The following SLC24A3 variants were observed in gnomAD, a reference collection of about 807,000 sequenced individuals.
SLC24A3 encodes the protein sodium/potassium/calcium exchanger 3.
SLC24A3 carries 28 observed loss-of-function variants against 75.8 expected under a neutral mutation model. That is an observed-to-expected ratio of 0.37 (90% CI 0.27 to 0.51). The LOEUF is 0.51. Ranked by LOEUF, SLC24A3 falls within the 20% of genes least tolerant of loss-of-function variation. The pLI, the probability that SLC24A3 is intolerant of heterozygous loss-of-function variation, is 0.94. For missense variants in SLC24A3, 663 were observed against 847.8 expected, an observed-to-expected ratio of 0.78 and a Z score of 2.71; for synonymous variants, 372 against 334.1, an observed-to-expected ratio of 1.11 and a Z score of -1.24.
chr20:19,706,920 C>T (rs1208565102), intron 15 of SLC24A3, among the ~76,000 whole-genome samples: 1 of 152,114 alleles, frequency 6.6e-6, no homozygotes, highest in Non-Finnish European at 1.5e-5. Flanking sequence ...CATCCATTAG[C>T]GTATATATCT....
At chr20:19,501,807 G>C (rs1988388300) in intron 2 of SLC24A3, among the ~76,000 whole-genome samples, 1 of 152,088 alleles carries the variant, frequency 6.6e-6, no homozygotes, top group Admixed American at 6.5e-5. Context: ...ATCCACGTAA[G>C]TTGACATGCA....
At chr20:19,235,636 G>T (rs928255979) in intron 1 of SLC24A3, among the ~76,000 whole-genome samples, 1 of 152,158 alleles carries the variant, frequency 6.6e-6, no homozygotes, top group South Asian at 2.1e-4. Flanking sequence ...CCTTGTACTT[G>T]CACCTTCTGG....
At chr20:19,337,898 T>C (rs1296082718) in intron 2 of SLC24A3, among the ~76,000 whole-genome samples, 1 of 152,052 alleles carries the variant, frequency 6.6e-6, no homozygotes, top group East Asian at 1.9e-4. Context: ...CAGTAGCCAG[T>C]TGAGACTTGT....
Position 19,721,510 on chromosome 20 carries a change from C to T in SLC24A3, c.*370C>T, listed in dbSNP as rs1180577846. On this transcript the variant is annotated 3_prime_UTR_variant, in exon 17 of 17. Coordinates refer to ENST00000328041, the MANE Select transcript of SLC24A3 (RefSeq NM_020689.4). Reference sequence around the variant, plus strand: ...TTTAAGTTATTTGATGGAAGACTCACCTAATTTGTGACCTGAGACTGTTGA... The same window carrying T: ...TTTAAGTTATTTGATGGAAGACTCATCTAATTTGTGACCTGAGACTGTTGA... 2.1e-5 allele frequency: 4 copies of T among 191,910 alleles called. No individual in the cohort carries two copies. Among genetic ancestry groups the T allele is most frequent in the Non-Finnish European group, 4.2e-5 (4 of 94,118 alleles). The allele number at this position is 191,910 out of a possible 1,614,324, so 11.9% of individuals were successfully genotyped here.
At chr20:19,639,578 C>T (rs1241517989) in intron 6 of SLC24A3, among the ~76,000 whole-genome samples, 1 of 152,248 alleles carries the variant, frequency 6.6e-6, no homozygotes. Flanking sequence ...CAGTGGATCC[C>T]GCACTGGGGC....
intron 2 of SLC24A3, among the ~76,000 whole-genome samples, chr20:19,413,362 T>C (rs1160837450): frequency 6.6e-6 from 1 of 152,108 alleles, no homozygotes; most frequent in African/African-American, 2.4e-5. Context: ...GTACCAGACA[T>C]TGGGGTCCCT....
intron 2 of SLC24A3, among the ~76,000 whole-genome samples, chr20:19,403,114 C>T (rs1470652497): frequency 1.3e-5 from 2 of 152,182 alleles, no homozygotes; most frequent in Non-Finnish European, 2.9e-5. Flanking sequence ...TATTTTGAGA[C>T]ATCACATAGA....
At chr20:19,342,231 T>C (rs2122309237) in intron 2 of SLC24A3, among the ~76,000 whole-genome samples, 1 of 152,364 alleles carries the variant, frequency 6.6e-6, no homozygotes, top group East Asian at 1.9e-4. Flanking sequence ...TCTGTTCTCC[T>C]GGAGCTTAAA....
intron 3 of SLC24A3, among the ~76,000 whole-genome samples, chr20:19,565,882 G>A (rs560300562): frequency 8.5e-5 from 13 of 152,214 alleles, no homozygotes; most frequent in South Asian, 4.1e-4. Context: ...TGTAAATCGG[G>A]CATCTTTCTT....
intron 2 of SLC24A3, among the ~76,000 whole-genome samples, chr20:19,424,303 C>G (rs937168633): frequency 2.0e-5 from 3 of 152,006 alleles, no homozygotes; most frequent in African/African-American, 7.3e-5. Context: ...CATGGATTCC[C>G]AACTTGTTAA....
intron 2 of SLC24A3, among the ~76,000 whole-genome samples, chr20:19,309,028 T>C (rs537298756): frequency 1.3e-5 from 2 of 152,360 alleles, no homozygotes; most frequent in South Asian, 4.1e-4. Flanking sequence ...CATGGATTCG[T>C]GGAGGACATA....
At chr20:19,693,640 T>G (rs2032772675) in intron 13 of SLC24A3, 1 of 548,520 alleles carries the variant, frequency 1.8e-6, no homozygotes, top group African/African-American at 1.9e-5. Context: ...TAATCTTAGC[T>G]GGGACCTGCT....
chr20:19,546,179 A>AAAAAAAAAAAAAAAAAAAAAAAAAAC (rs765227499), intron 3 of SLC24A3, among the ~76,000 whole-genome samples: 2 of 147,466 alleles, frequency 1.4e-5, no homozygotes, highest in Non-Finnish European at 3.0e-5. Flanking sequence ...AAAAAAAAAA[A>AAAAAAAAAAAAAAAAAAAAAAAAAAC]AAAAAAAAAC....
intron 15 of SLC24A3, among the ~76,000 whole-genome samples, chr20:19,715,504 C>A (rs377424874): frequency 2.8e-4 from 43 of 152,286 alleles, no homozygotes; most frequent in Non-Finnish European, 5.6e-4. Flanking sequence ...CAGCTGGGGG[C>A]CAGCAAATGG....
chr20:19,521,014 C>A (rs1331163811), intron 3 of SLC24A3, among the ~76,000 whole-genome samples: 1 of 152,164 alleles, frequency 6.6e-6, no homozygotes, highest in Non-Finnish European at 1.5e-5. Flanking sequence ...CTAGTCACAT[C>A]TTATCCTCCC....
intron 2 of SLC24A3, among the ~76,000 whole-genome samples, chr20:19,299,050 G>A (rs1984129843): frequency 6.6e-6 from 1 of 152,130 alleles, no homozygotes. Context: ...TGGGTGAGGG[G>A]AAAAAAGCCG....
intron 1 of SLC24A3, among the ~76,000 whole-genome samples, chr20:19,278,268 C>T (rs1983549040): frequency 6.6e-6 from 1 of 152,180 alleles, no homozygotes; most frequent in Non-Finnish European, 1.5e-5. Flanking sequence ...TCTACGCTGG[C>T]CCCCAAAGCT....
At chr20:19,468,663 G>A (rs539255929) in intron 2 of SLC24A3, among the ~76,000 whole-genome samples, 14 of 152,314 alleles carry the variant, frequency 9.2e-5, no homozygotes, top group African/African-American at 3.1e-4. Context: ...CAGCTCTGCT[G>A]GTGCCCGTTG....
intron 2 of SLC24A3, among the ~76,000 whole-genome samples, chr20:19,344,129 A>G (rs1316001278): frequency 6.6e-6 from 1 of 152,232 alleles, no homozygotes; most frequent in East Asian, 1.9e-4. Context: ...GAATAAAGAG[A>G]ACAATGGTGG....
Sources: allele counts gnomAD v4.1 joint callset (sites outside exome capture counted in the v4.1 genomes callset), GRCh38; gene constraint gnomAD v4.1.1; transcripts MANE v1.5; gene names NCBI Gene and HGNC (gene_info 2026-07-23, HGNC 2026-07-21).